ULK1: variants seen among roughly 807,000 people sequenced by gnomAD.
ULK1 encodes serine/threonine-protein kinase ULK1.
A neutral mutation model predicts 117.5 loss-of-function variants in ULK1; 48 were observed. That is an observed-to-expected ratio of 0.41 (90% CI 0.32 to 0.52). The LOEUF (loss-of-function observed/expected upper bound fraction) is 0.52, where lower values mean the gene tolerates loss of function less well. ULK1 is among the 20% of genes least tolerant of loss of function. The probability of loss-of-function intolerance (pLI) is 0.29; values close to 1 mark genes in which losing one functional copy is unlikely to be tolerated. For synonymous variants in ULK1, 790 were observed against 637.8 expected, an observed-to-expected ratio of 1.24 and a Z score of -3.60; for missense variants, 1,387 against 1,473.4, an observed-to-expected ratio of 0.94 and a Z score of 0.96.
Position 131,919,965 on chromosome 12 carries a change from C to T in ULK1, c.2804-14C>T, listed in dbSNP as rs1890076128. 6.2e-7 allele frequency: 1 copy of T among 1,610,636 alleles called. No individual in the cohort carries two copies. The highest frequency in any genetic ancestry group is 1.1e-5 in the South Asian group (1 of 91,036). ...TCTGCTGCACCCTGAGCTGACCACCCTCGTCCTTTGCAGTGGTGCGCAGGC... is the reference window on the plus strand; with the variant it reads ...TCTGCTGCACCCTGAGCTGACCACCTTCGTCCTTTGCAGTGGTGCGCAGGC... On this transcript the variant is annotated splice_polypyrimidine_tract_variant and intron_variant, in intron 25 of 27. Coordinates refer to ENST00000321867, the MANE Select transcript of ULK1 (RefSeq NM_003565.4).
At chr12:131,917,274 G>GGGGAGC in intron 21 of ULK1, 137 bp from the exon 22 acceptor site, 1 of 682,516 alleles carries the variant, frequency 1.5e-6, no homozygotes, top group African/African-American at 2.2e-5. Flanking sequence ...CGGGGGTCGG[G>GGGGAGC]TTCGGCTCGG....
chr12:131,920,457 C>T (rs544493463), intron 26 of ULK1: 40 of 346,730 alleles, frequency 1.2e-4, no homozygotes, highest in Non-Finnish European at 1.9e-4. Flanking sequence ...CACCTGGTCC[C>T]GGACAACCTG....
At chr12:131,910,981 C>T (rs1009303872) in intron 12 of ULK1, among the ~76,000 whole-genome samples, 181 bp downstream of exon 12, 2 of 152,248 alleles carry the variant, frequency 1.3e-5, no homozygotes, top group African/African-American at 4.8e-5. Flanking sequence ...CCCCTCCCAA[C>T]ACCCACAGCC....
At chr12:131,912,778 C>T (rs530920007) in intron 13 of ULK1, among the ~76,000 whole-genome samples, 30 of 152,318 alleles carry the variant, frequency 2.0e-4, no homozygotes, top group African/African-American at 7.2e-4. Context: ...AACAGGAAGA[C>T]GGACACCAGG....
chr12:131,918,272 C>G (rs1292603685), intron 22 of ULK1: 2 of 600,442 alleles, frequency 3.3e-6, no homozygotes, highest in African/African-American at 3.7e-5. Context: ...CAGCCCTTGG[C>G]CTGAGGTGGG....
At chr12:131,912,809 G>C (rs1298043543) in intron 13 of ULK1, among the ~76,000 whole-genome samples, 1 of 152,206 alleles carries the variant, frequency 6.6e-6, no homozygotes, top group Admixed American at 6.5e-5. Flanking sequence ...AGCCTCCTTG[G>C]GGGTGGGAAC....
intron 3 of ULK1, chr12:131,897,151 C>A (rs4964882): frequency 6.6e-6 from 1 of 152,346 alleles, no homozygotes; most frequent in African/African-American, 2.4e-5. Context: ...CAGCTGCAGG[C>A]GCTCCTGTCT....
At chr12:131,906,770 G>A in intron 3 of ULK1, 122 bp from the exon 4 acceptor site, 1 of 1,267,700 alleles carries the variant, frequency 7.9e-7, no homozygotes, top group South Asian at 1.2e-5. Context: ...CCCGGCCGCT[G>A]GCTGACCAGC....
At chr12:131,910,374 G>A in intron 11 of ULK1, 70 bp downstream of exon 11, 1 of 1,599,562 alleles carries the variant, frequency 6.3e-7, no homozygotes. Flanking sequence ...GGTTTGGTTA[G>A]GGCACTGAGT....
At position 131,920,012 on chromosome 12, in the gene ULK1, G is replaced by T. The variant is rs1890078932; in HGVS notation, c.2837G>T (p.Ser946Ile). 6.2e-7 allele frequency: 1 copy of T among 1,612,742 alleles called. No individual in the cohort carries two copies. Among genetic ancestry groups the T allele is most frequent in the Admixed American group, 1.7e-5 (1 of 59,996 alleles). ...VRRLNELYKA[S>I]VVSCQGLSLR... ...AGGCTGAATGAGCTGTACAAGGCCA[G>T]CGTGGTGTCCTGCCAGGGCCTGAGC... is the stretch of plus-strand genomic sequence containing the variant. The change falls in exon 26 of 28, where the codon AGC (serine) becomes ATC (isoleucine). Residue 946 changes from serine to isoleucine, a missense_variant. Physicochemically the swap from Ser to Ile is moderately radical, Grantham distance 142. Transcript: ENST00000321867.
intron 23 of ULK1, 69 bp downstream of exon 23, chr12:131,918,750 TGTGTGGGGTATAGGGTGTG>T (rs1889982727): frequency 1.5e-6 from 2 of 1,364,168 alleles, no homozygotes; most frequent in Admixed American, 2.6e-5. Flanking sequence ...GGGTGTCGGG[TGTGTGGGGTATAGGGTGTG>T]TGGGGTGTCG....
intron 3 of ULK1, among the ~76,000 whole-genome samples, chr12:131,906,335 C>G (rs1016979592): frequency 1.3e-5 from 2 of 152,136 alleles, no homozygotes; most frequent in Non-Finnish European, 2.9e-5. Context: ...ATGATCCACC[C>G]GCCTTGGCCT....
intron 3 of ULK1, among the ~76,000 whole-genome samples, chr12:131,904,339 G>C (rs1889192822): frequency 6.6e-6 from 1 of 152,168 alleles, no homozygotes; most frequent in Non-Finnish European, 1.5e-5. Flanking sequence ...GTAGAGATGG[G>C]GTTTTGCCAT....
chr12:131,911,413 G>T (rs897160473), intron 12 of ULK1, among the ~76,000 whole-genome samples: 2 of 152,208 alleles, frequency 1.3e-5, no homozygotes, highest in African/African-American at 2.4e-5. Context: ...CGAGGGGAGC[G>T]TGGCAGCGCC....
At chr12:131,919,815 C>G in intron 25 of ULK1, 164 bp from the exon 26 acceptor site, 2 of 1,158,302 alleles carry the variant, frequency 1.7e-6, no homozygotes, top group Non-Finnish European at 2.4e-6. Flanking sequence ...GGATGGCACC[C>G]GGGACAAGGT....
chr12:131,917,643 G>A, intron 22 of ULK1, 89 bp downstream of exon 22: 1 of 1,246,988 alleles, frequency 8.0e-7, no homozygotes, highest in Admixed American at 3.8e-5. Context: ...CGGGTCACTG[G>A]ACTACAGCCC....
intron 16 of ULK1, 142 bp downstream of exon 16, chr12:131,914,619 T>G: frequency 8.7e-7 from 1 of 1,154,066 alleles, no homozygotes; most frequent in South Asian, 1.8e-5. Flanking sequence ...CACCACCATT[T>G]ACTTTGTTGA....
chr12:131,898,045 G>A (rs1888945776), intron 3 of ULK1: 1 of 152,190 alleles, frequency 6.6e-6, no homozygotes. Flanking sequence ...TTTAGTTTGC[G>A]GTCCTATTTC....
chr12:131,913,304 T>A, intron 14 of ULK1, 46 bp downstream of exon 14: 1 of 1,491,198 alleles, frequency 6.7e-7, no homozygotes, highest in Non-Finnish European at 8.9e-7. Flanking sequence ...AGAGAAACTG[T>A]GGCCTTGGAA....
Sources: gnomAD v4.1 joint callset for allele counts (sites outside exome capture counted in the v4.1 genomes callset) on GRCh38, gnomAD v4.1.1 for gene constraint, MANE v1.5 for transcripts, NCBI Gene and HGNC (gene_info 2026-07-23, HGNC 2026-07-21) for gene names.